Variants in PRDM16 observed in about 807,000 individuals in gnomAD.
PRDM16 encodes PR/SET domain 16.
In PRDM16, 23 loss-of-function variants were observed where a neutral mutation model predicts 110.6. The ratio of observed to expected loss-of-function variants is 0.21; its 90% CI spans 0.15 to 0.29. The LOEUF (loss-of-function observed/expected upper bound fraction) is 0.29, where lower values mean the gene tolerates loss of function less well. Ranked by LOEUF, PRDM16 falls within the 10% of genes least tolerant of loss-of-function variation. PRDM16 has a pLI of 1.00. For synonymous variants in PRDM16, 799 were observed against 781.8 expected (o/e 1.02, Z -0.37); for missense variants, 1,615 against 1,794.3 (o/e 0.90, Z 1.81).
intron 1 of PRDM16, among the ~76,000 whole-genome samples, chr1:3,181,244 A>ACGGCCTTACGCATG (rs1225918075): frequency 2.1e-5 from 1 of 48,566 alleles, no homozygotes; most frequent in Non-Finnish European, 4.7e-5. Context: ...TCTTACACAC[A>ACGGCCTTACGCATG]GTCTTACACA....
At chr1:3,085,212 G>A (rs1319438524) in intron 1 of PRDM16, among the ~76,000 whole-genome samples, 12 of 152,192 alleles carry the variant, frequency 7.9e-5, no homozygotes, top group Non-Finnish European at 1.2e-4. Context: ...GGGAAGACCC[G>A]CCTGGCCAAG....
At position 3,289,536 on chromosome 1, in the gene PRDM16, C is replaced by T. The variant is rs535463978; in HGVS notation, c.438+45399C>T. On this transcript the variant is annotated intron_variant, in intron 3 of 16. Transcript: ENST00000270722. Reference sequence around the variant, plus strand: ...GCCCACCCTGTGCCAGGGCTGGGGGCTTGGGTGAAGGAAGCCCAGTCCCAG... The same window carrying T: ...GCCCACCCTGTGCCAGGGCTGGGGGTTTGGGTGAAGGAAGCCCAGTCCCAG... Among the ~76,000 whole-genome samples, 236 of 152,314 alleles carry T rather than the reference C, an allele frequency of 1.5e-3. 1 individual carries two copies. The highest frequency in any genetic ancestry group is 3.4e-3 in the Middle Eastern group (1 of 294).
intron 3 of PRDM16, among the ~76,000 whole-genome samples, chr1:3,264,898 G>A (rs1187627768): frequency 6.6e-6 from 1 of 152,150 alleles, no homozygotes; most frequent in African/African-American, 2.4e-5. Flanking sequence ...GTGGGGATGG[G>A]CTCATTGGCA....
intron 1 of PRDM16, among the ~76,000 whole-genome samples, chr1:3,124,637 G>A (rs907570296): frequency 2.0e-5 from 3 of 152,216 alleles, no homozygotes; most frequent in East Asian, 1.9e-4. Context: ...CCACATCTGC[G>A]GTCCTGCCAG....
Position 3,201,114 on chromosome 1 carries a change from G to T in PRDM16, c.387+14640G>T, listed in dbSNP as rs12095716. On this transcript the variant is annotated intron_variant, in intron 2 of 16. Transcript: ENST00000270722. This position sits in a 1 kb window ranked among gnomAD's most constrained non-coding sequence, Gnocchi z 4.1. ...GAAGTCTGATGGCAGAAGGACATCA[G>T]GACCCCTGAGTTTTGGGAGCATAGA... is the stretch of plus-strand genomic sequence containing the variant. Among the ~76,000 whole-genome samples, 1 of 151,870 alleles carries T rather than the reference G, an allele frequency of 6.6e-6. No homozygotes were observed. The highest frequency in any genetic ancestry group is 2.4e-5 in the African/African-American group (1 of 41,314).
chr1:3,313,015 C>T (rs1641501089), intron 3 of PRDM16, among the ~76,000 whole-genome samples: 1 of 152,194 alleles, frequency 6.6e-6, no homozygotes, highest in Non-Finnish European at 1.5e-5. Flanking sequence ...ACGAAGGGGC[C>T]GTGTTCCCAG....
chr1:3,406,209 A>G (rs1362244587), intron 8 of PRDM16, among the ~76,000 whole-genome samples: 1 of 152,168 alleles, frequency 6.6e-6, no homozygotes, highest in Non-Finnish European at 1.5e-5. Flanking sequence ...GGCAAGCCAG[A>G]CAAGCAAGGT....
intron 3 of PRDM16, among the ~76,000 whole-genome samples, chr1:3,298,017 C>T (rs1366548182): frequency 7.1e-6 from 1 of 140,866 alleles, no homozygotes; most frequent in Non-Finnish European, 1.5e-5. Context: ...CTGCAGGGAA[C>T]AGCACGTCAC....
intron 1 of PRDM16, among the ~76,000 whole-genome samples, chr1:3,133,414 G>A (rs767532785): frequency 6.6e-5 from 10 of 152,210 alleles, no homozygotes; most frequent in Non-Finnish European, 1.0e-4. Context: ...CATGGGGCTC[G>A]GCCTCCCGAA....
intron 1 of PRDM16, among the ~76,000 whole-genome samples, chr1:3,079,404 C>CTTCGGTG (rs5772093): frequency 6.6e-6 from 1 of 151,488 alleles, no homozygotes; most frequent in Admixed American, 6.6e-5. Context: ...CACAGGGATC[C>CTTCGGTG]TGCGGTTGCA....
Position 3,412,402 on chromosome 1 carries a change from C to T in PRDM16, c.2205C>T (p.His735=). The T allele has an allele frequency of 1.9e-6, 3 of 1,613,214 alleles. No homozygotes were observed. The highest frequency in any genetic ancestry group is 2.5e-6 in the Non-Finnish European group (3 of 1,179,848). Residue 735 remains histidine (H), a synonymous_variant, in exon 9 of 17, where the codon CAC becomes CAT. Transcript: ENST00000270722. The part of the protein sequence containing the change: ...FPFQFLPNFP[H]SLYPFTDRAL... ...TCCAGTTCCTGCCCAACTTCCCCCACTCCCTTTACCCCTTCACGGACCGAG... is the reference window on the plus strand; with the variant it reads ...TCCAGTTCCTGCCCAACTTCCCCCATTCCCTTTACCCCTTCACGGACCGAG...
intron 2 of PRDM16, among the ~76,000 whole-genome samples, chr1:3,212,471 G>T (rs899034942): frequency 2.0e-5 from 3 of 152,144 alleles, no homozygotes; most frequent in Non-Finnish European, 2.9e-5. Context: ...GGACAGCAGA[G>T]GTGGCCAAGG....
At chr1:3,427,104 G>T (rs936352652) in intron 14 of PRDM16, among the ~76,000 whole-genome samples, 2 of 152,240 alleles carry the variant, frequency 1.3e-5, no homozygotes, top group Non-Finnish European at 1.5e-5. Context: ...ATGGGCGCAC[G>T]TGCGTCTAGA....
chr1:3,079,985 G>A (rs961565343), intron 1 of PRDM16, among the ~76,000 whole-genome samples: 8 of 152,336 alleles, frequency 5.3e-5, no homozygotes, highest in Admixed American at 1.3e-4. Flanking sequence ...TCAGTAGCGC[G>A]TGCCCACCCG....
chr1:3,266,324 T>C (rs1353733932), intron 3 of PRDM16, among the ~76,000 whole-genome samples: 2 of 151,806 alleles, frequency 1.3e-5, no homozygotes, highest in African/African-American at 4.8e-5. Context: ...CGGGCAGGGG[T>C]GGCCCAAGGC....
rs79373574 is a variant in PRDM16 at position 3,278,553 on chromosome 1, C to T, written c.438+34416C>T. 1.9e-4 allele frequency among the ~76,000 whole-genome samples: 29 copies of T among 152,356 alleles called. 1 individual carries two copies. In the East Asian group the frequency reaches 5.6e-3, roughly 29 times the overall value. On this transcript the variant is annotated intron_variant, in intron 3 of 16. Transcript: ENST00000270722. ...GCGCAGTCACTAGCAAATGGAACAT[C>T]CCTGTGCTGGGCATGAAACAGGCCC...
At chr1:3,092,346 C>T (rs1475985898) in intron 1 of PRDM16, among the ~76,000 whole-genome samples, 4 of 152,180 alleles carry the variant, frequency 2.6e-5, no homozygotes, top group Non-Finnish European at 5.9e-5. Context: ...CCCCCAGGGG[C>T]AAAGGCACCC....
intron 2 of PRDM16, among the ~76,000 whole-genome samples, chr1:3,199,240 C>T (rs975296904): frequency 3.3e-5 from 5 of 151,784 alleles, no homozygotes; most frequent in Non-Finnish European, 5.9e-5. Context: ...GAGGAGCTTG[C>T]CTGTGGGCGG....
At chr1:3,219,071 G>A (rs1296270790) in intron 2 of PRDM16, among the ~76,000 whole-genome samples, 1 of 152,228 alleles carries the variant, frequency 6.6e-6, no homozygotes, top group Non-Finnish European at 1.5e-5. Context: ...ACTGCCGCGA[G>A]GAGGGCCTTT....
Sources: gnomAD v4.1 joint callset for allele counts (sites outside exome capture counted in the v4.1 genomes callset) on GRCh38, gnomAD v4.1.1 for gene constraint, Gnocchi (gnomAD v3.1) non-coding constraint, MANE v1.5 for transcripts, NCBI Gene and HGNC (gene_info 2026-07-23, HGNC 2026-07-21) for gene names.